The following PTPDC1 variants were observed in gnomAD, a reference collection of about 807,000 sequenced individuals.
PTPDC1 encodes protein tyrosine phosphatase domain-containing protein 1.
In PTPDC1, 53 loss-of-function variants were observed where a neutral mutation model predicts 75.3. The ratio of observed to expected loss-of-function variants is 0.70; its 90% CI spans 0.56 to 0.88. The LOEUF is 0.88. PTPDC1 is among the 40% of genes least tolerant of loss of function. The pLI, the probability that PTPDC1 is intolerant of heterozygous loss-of-function variation, is 0.00. For missense variants in PTPDC1, 925 were observed against 998.6 expected (o/e 0.93, Z 0.99); for synonymous variants, 349 against 366.2 (o/e 0.95, Z 0.54).
chr9:94,085,475 CTG>C, intron 2 of PTPDC1, 53 bp downstream of exon 2: 3 of 1,588,958 alleles, frequency 1.9e-6, no homozygotes, highest in Non-Finnish European at 2.6e-6. Flanking sequence ...GAAGGACACT[CTG>C]TGTGAGCCAG....
chr9:94,045,254 T>C lies in PTPDC1; in HGVS notation c.-7+14127T>C, dbSNP rs112278977. On this transcript the variant is annotated intron_variant, in intron 1 of 9. Transcript: ENST00000375360. ...AATCCAGTCTATCATTGTTGGACAT[T>C]TGGGTTGGTTCCAAGTCTTTGCTAT... 3.2e-3 allele frequency among the ~76,000 whole-genome samples: 492 copies of C among 152,246 alleles called. 2 individuals carry two copies. Among genetic ancestry groups the C allele is most frequent in the African/African-American group, 0.01 (432 of 41,530 alleles).
Position 94,097,865 on chromosome 9 carries a change from G to A in PTPDC1, c.1299G>A (p.Glu433=), listed in dbSNP as rs1164201963. ...CTCTTTGGAAAAGGCGGAATGTTGA[G>A]TGCCTTCAACCCCTGACTCATCTGA... ...FDPLWKRRNV[E]CLQPLTHLKR... is the part of the protein sequence containing the mutation. The change falls in exon 6 of 9, where the codon GAG becomes GAA. Residue 433 remains glutamate (E), a synonymous_variant. Transcript: ENST00000620992. 2 of 1,614,072 alleles carry A rather than the reference G, an allele frequency of 1.2e-6. No homozygotes were observed. The highest frequency in any genetic ancestry group is 2.7e-5 in the African/African-American group (2 of 74,908).
intron 2 of PTPDC1, among the ~76,000 whole-genome samples, chr9:94,079,200 C>CT (rs1187213628): frequency 4.6e-5 from 7 of 152,154 alleles, no homozygotes; most frequent in Non-Finnish European, 8.8e-5. Context: ...ATGGACTAGT[C>CT]TTTTTTTCTT....
intron 1 of PTPDC1, among the ~76,000 whole-genome samples, chr9:94,060,275 T>C (rs1826086175): frequency 6.6e-6 from 1 of 152,246 alleles, no homozygotes; most frequent in East Asian, 1.9e-4. Flanking sequence ...GCTTTCTGGC[T>C]ACCAGAGCTG....
intron 2 of PTPDC1, among the ~76,000 whole-genome samples, chr9:94,069,625 A>G (rs894037454): frequency 6.7e-6 from 1 of 149,532 alleles, no homozygotes; most frequent in Non-Finnish European, 1.5e-5. Flanking sequence ...TGTTTAAGCA[A>G]TTCTCCTGCC....
intron 2 of PTPDC1, among the ~76,000 whole-genome samples, chr9:94,070,745 T>C (rs1262861615): frequency 3.3e-5 from 5 of 152,238 alleles, no homozygotes. Flanking sequence ...AAAAATGTTA[T>C]GTATATAAAA....
rs1163845189 is a variant in PTPDC1, at chr9:94,097,746, GACAGTGAT to G, written c.1181_1188del (p.Asp394GlyfsTer6). 6.2e-7 allele frequency: 1 copy of G among 1,614,102 alleles called. No individual in the cohort carries two copies. Among genetic ancestry groups the G allele is most frequent in the Non-Finnish European group, 8.5e-7 (1 of 1,180,062 alleles). On this transcript the variant is annotated frameshift_variant, in exon 6 of 9. Transcript: ENST00000620992. LOFTEE classifies it high-confidence loss of function. Reference sequence around the variant, plus strand: ...GCTGGATAAAGAGTTACTGAGGCATGACAGTGATGTGTCCAACCCGCCTAACCCCACTG... The same window carrying G: ...GCTGGATAAAGAGTTACTGAGGCATGGTGTCCAACCCGCCTAACCCCACTG...
At chr9:94,102,786 C>A (rs1432172848) in intron 7 of PTPDC1, among the ~76,000 whole-genome samples, 1 of 152,134 alleles carries the variant, frequency 6.6e-6, no homozygotes, top group Non-Finnish European at 1.5e-5. Flanking sequence ...CCATGTTGGT[C>A]AGGCTGGTCT....
At position 94,108,455 on chromosome 9, in the gene PTPDC1, G is replaced by T. The variant is rs901292826; in HGVS notation, c.*511G>T. 4 of 152,564 alleles carry T rather than the reference G, an allele frequency of 2.6e-5. No individual in the cohort carries two copies. Among genetic ancestry groups the T allele is most frequent in the Admixed American group, 2.0e-4 (3 of 15,278 alleles). 9.5% of individuals were successfully genotyped at this position (152,564 alleles called of 1,614,324 possible). Reference sequence around the variant, plus strand: ...GGCTATTGCTACAATATTTTTAAAGGTTTCTTTTTTAACTTTGAAATTTTT... The same window carrying T: ...GGCTATTGCTACAATATTTTTAAAGTTTTCTTTTTTAACTTTGAAATTTTT... On this transcript the variant is annotated 3_prime_UTR_variant, in exon 9 of 9. Transcript: ENST00000620992.
intron 8 of PTPDC1, among the ~76,000 whole-genome samples, chr9:94,106,285 A>G (rs982387992): frequency 1.3e-5 from 2 of 152,172 alleles, no homozygotes; most frequent in African/African-American, 4.8e-5. Context: ...ACTCTCTTTG[A>G]GGATCAACTC....
At chr9:94,031,762 T>A (rs543815925) in intron 1 of PTPDC1, among the ~76,000 whole-genome samples, 102 of 152,192 alleles carry the variant, frequency 6.7e-4, no homozygotes, top group African/African-American at 2.3e-3. Context: ...GGAAATAAAA[T>A]GTCTAAAACG....
chr9:94,097,670 T>G lies in PTPDC1; in HGVS notation c.1104T>G (p.Pro368=), dbSNP rs1256766109. ...PVMMKDVSEG[P]GLSAEIEKTM... is the part of the protein sequence containing the mutation. ...TGATGAAGGATGTGTCCGAAGGACC[T>G]GGTCTCTCTGCTGAAATAGAAAAGA... The change falls in exon 6 of 9, where the codon CCT becomes CCG. Residue 368 remains proline, a synonymous_variant. Transcript: ENST00000620992. 1 of 1,614,190 alleles carries G rather than the reference T, an allele frequency of 6.2e-7. No homozygotes were observed.
chr9:94,084,518 GC>G lies in PTPDC1; in HGVS notation c.-11del, dbSNP rs778366006. 5 of 1,608,460 alleles carry G rather than the reference GC, an allele frequency of 3.1e-6. No individual in the cohort carries two copies. Among genetic ancestry groups the G allele is most frequent in the Non-Finnish European group, 4.2e-6 (5 of 1,179,868 alleles). On this transcript the variant is annotated 5_prime_UTR_variant, in exon 1 of 9. Coordinates refer to ENST00000620992, the MANE Select transcript of PTPDC1 (RefSeq NM_001253829.2). ...CTGACTCTTCCTGCCTCCGGCTCTT[GC>G]CTCCCAGTGCCATGCAGGTGCAGGA...
At chr9:94,067,399 A>ATAAT (rs1554693498) in intron 2 of PTPDC1, among the ~76,000 whole-genome samples, 4 of 149,292 alleles carry the variant, frequency 2.7e-5, no homozygotes, top group Admixed American at 1.3e-4. Flanking sequence ...CAAAAAAAAA[A>ATAAT]AATAATAATA....
At chr9:94,066,832 A>T (rs1826323598) in intron 2 of PTPDC1, among the ~76,000 whole-genome samples, 1 of 152,116 alleles carries the variant, frequency 6.6e-6, no homozygotes, top group Non-Finnish European at 1.5e-5. Flanking sequence ...TGCTGCGATT[A>T]CAGAAGTGAG....
At chr9:94,095,720 C>T (rs771007878) in intron 5 of PTPDC1, among the ~76,000 whole-genome samples, 20 of 152,168 alleles carry the variant, frequency 1.3e-4, no homozygotes, top group Non-Finnish European at 2.5e-4. Context: ...ATACTAAATA[C>T]ACTGATCTGA....
intron 1 of PTPDC1, among the ~76,000 whole-genome samples, chr9:94,063,205 A>G (rs1826196775): frequency 6.6e-6 from 1 of 152,240 alleles, no homozygotes; most frequent in African/African-American, 2.4e-5. Flanking sequence ...TCTTATATAC[A>G]AAATAGCCAG....
chr9:94,050,881 G>A (rs928517737), intron 1 of PTPDC1, among the ~76,000 whole-genome samples: 29 of 152,188 alleles, frequency 1.9e-4, no homozygotes, highest in Non-Finnish European at 3.2e-4. Context: ...CTTCTCGGCC[G>A]CTTTGTTTAC....
chr9:94,053,381 A>G (rs753797440), intron 1 of PTPDC1, among the ~76,000 whole-genome samples: 2 of 152,068 alleles, frequency 1.3e-5, no homozygotes, highest in Non-Finnish European at 1.5e-5. Context: ...TTATATAGTC[A>G]TGTCATTTTT....
Sources: gnomAD v4.1 joint callset for allele counts (sites outside exome capture counted in the v4.1 genomes callset) on GRCh38, gnomAD v4.1.1 for gene constraint, MANE v1.5 for transcripts, NCBI Gene and HGNC (gene_info 2026-07-23, HGNC 2026-07-21) for gene names.